Variants in NTN4 observed in about 807,000 individuals in gnomAD.
The protein encoded by NTN4 is netrin-4.
Under a neutral mutation model 73.6 loss-of-function variants are expected in NTN4, and 32 were observed. The observed-to-expected ratio is 0.44, with a 90% confidence interval of 0.33 to 0.58. NTN4 has a LOEUF of 0.58. Ranked by LOEUF, NTN4 falls within the 20% of genes least tolerant of loss-of-function variation. NTN4 has a pLI of 0.04. For synonymous variants in NTN4, 258 were observed against 287.5 expected, an observed-to-expected ratio of 0.90 and a Z score of 1.04; for missense variants, 654 against 798.3, an observed-to-expected ratio of 0.82 and a Z score of 2.18.
intron 5 of NTN4, among the ~76,000 whole-genome samples, chr12:95,684,152 G>T (rs540639893): frequency 6.6e-6 from 1 of 152,310 alleles, no homozygotes; most frequent in Admixed American, 6.5e-5. Flanking sequence ...ATGGAGTATT[G>T]CATTTGAACA....
intron 3 of NTN4, among the ~76,000 whole-genome samples, chr12:95,724,640 C>T (rs111787894): frequency 6.6e-6 from 1 of 152,158 alleles, no homozygotes; most frequent in Admixed American, 6.5e-5. Context: ...AGATGATCAA[C>T]AAGTATTACA....
chr12:95,735,757 T>C (rs528061446), intron 3 of NTN4, among the ~76,000 whole-genome samples: 10 of 152,248 alleles, frequency 6.6e-5, no homozygotes, highest in South Asian at 4.1e-4. Context: ...TTATCCATTG[T>C]TGAATTTGGC....
chr12:95,755,427 A>G (rs190282364), intron 2 of NTN4, among the ~76,000 whole-genome samples: 1 of 152,314 alleles, frequency 6.6e-6, no homozygotes, highest in African/African-American at 2.4e-5. Context: ...AGCATAATTG[A>G]CATGTGGGCG....
At chr12:95,755,222 T>G (rs2078939670) in intron 2 of NTN4, among the ~76,000 whole-genome samples, 1 of 152,238 alleles carries the variant, frequency 6.6e-6, no homozygotes. Context: ...ATCGCCTAAG[T>G]TGACATTTTG....
intron 2 of NTN4, among the ~76,000 whole-genome samples, chr12:95,772,995 TTCTTTTTTC>T (rs1157766990): frequency 1.1e-3 from 6 of 5,376 alleles, no homozygotes; most frequent in Non-Finnish European, 2.5e-3. Context: ...GCTTTTTTTT[TTCTTTTTTC>T]TTTTTTCTTT....
At chr12:95,705,851 G>T (rs2078518729) in intron 5 of NTN4, among the ~76,000 whole-genome samples, 1 of 152,126 alleles carries the variant, frequency 6.6e-6, no homozygotes, top group South Asian at 2.1e-4. Flanking sequence ...GCTTACAGTT[G>T]TAATTCCCAG....
At chr12:95,770,649 T>G (rs932568587) in intron 2 of NTN4, among the ~76,000 whole-genome samples, 2 of 152,208 alleles carry the variant, frequency 1.3e-5, no homozygotes, top group Non-Finnish European at 2.9e-5. Context: ...GTTCTTGACA[T>G]AGATTAAACA....
chr12:95,676,709 AAAAT>A (rs1347597976), intron 7 of NTN4, among the ~76,000 whole-genome samples: 3 of 150,896 alleles, frequency 2.0e-5, no homozygotes, highest in Non-Finnish European at 4.4e-5. Context: ...ACATAAAAAA[AAAAT>A]AAAGATAAGA....
chr12:95,715,693 A>T (rs2078600292), intron 3 of NTN4, among the ~76,000 whole-genome samples: 2 of 152,152 alleles, frequency 1.3e-5, no homozygotes, highest in South Asian at 4.1e-4. Flanking sequence ...TTTTCATCCT[A>T]GCTCCTGGGT....
At chr12:95,706,304 C>CTA (rs2078521723) in intron 5 of NTN4, among the ~76,000 whole-genome samples, 1 of 148,126 alleles carries the variant, frequency 6.8e-6, no homozygotes, top group Admixed American at 6.7e-5. Flanking sequence ...AAAACTAAAA[C>CTA]AAAATAAACA....
At chr12:95,679,712 A>G (rs1487621214) in intron 7 of NTN4, among the ~76,000 whole-genome samples, 2 of 152,208 alleles carry the variant, frequency 1.3e-5, no homozygotes, top group East Asian at 3.8e-4. Flanking sequence ...GACTAGGGAA[A>G]ACACACAACC....
chr12:95,659,095 C>T lies in NTN4; in HGVS notation c.1878G>A (p.Glu626=), dbSNP rs1246351288. The change falls in exon 10 of 10, where the codon GAG becomes GAA. Residue 626 remains glutamate, a synonymous_variant. Transcript: ENST00000343702. ...GCTATCCATCTTAATGCTACTTGCA[C>T]TCTCTTTTTAAAATATCCATGACTT... ...GRKVMDILKR[E]CK 1 of 1,611,436 alleles carries T rather than the reference C, an allele frequency of 6.2e-7. No individual in the cohort carries two copies. The highest frequency in any genetic ancestry group is 8.5e-7 in the Non-Finnish European group (1 of 1,179,208).
At chr12:95,755,382 T>C (rs995637015) in intron 2 of NTN4, among the ~76,000 whole-genome samples, 2 of 152,232 alleles carry the variant, frequency 1.3e-5, no homozygotes, top group African/African-American at 2.4e-5. Flanking sequence ...GTGGGAGTTC[T>C]GGTTTCATGG....
At chr12:95,766,237 T>C (rs1329336019) in intron 2 of NTN4, among the ~76,000 whole-genome samples, 1 of 152,250 alleles carries the variant, frequency 6.6e-6, no homozygotes, top group Non-Finnish European at 1.5e-5. Flanking sequence ...CCTAGCTAGC[T>C]GAAGACTCAG....
chr12:95,669,666 T>G (rs1420080835), intron 8 of NTN4, among the ~76,000 whole-genome samples: 1 of 152,220 alleles, frequency 6.6e-6, no homozygotes, highest in Non-Finnish European at 1.5e-5. Context: ...TCAACTATAA[T>G]GAAATGCTGC....
chr12:95,712,579 A>C (rs1159121515), intron 4 of NTN4, among the ~76,000 whole-genome samples: 1 of 152,084 alleles, frequency 6.6e-6, no homozygotes, highest in Non-Finnish European at 1.5e-5. Flanking sequence ...CAACAGAATC[A>C]GATGTTCTCG....
chr12:95,692,960 A>G (rs2078412100), intron 5 of NTN4, among the ~76,000 whole-genome samples: 1 of 152,196 alleles, frequency 6.6e-6, no homozygotes, highest in Non-Finnish European at 1.5e-5. Context: ...TCATGTATGT[A>G]AATATTTAGC....
chr12:95,745,024 G>T (rs1433343740), intron 2 of NTN4, among the ~76,000 whole-genome samples: 5 of 151,850 alleles, frequency 3.3e-5, no homozygotes, highest in African/African-American at 1.2e-4. Context: ...GTCATTCTTA[G>T]ATTTGTTCCT....
intron 3 of NTN4, among the ~76,000 whole-genome samples, chr12:95,717,340 A>G (rs17287370): frequency 0.17 from 25,910 of 152,172 alleles, 2,591 homozygotes; most frequent in Non-Finnish European, 0.23. Flanking sequence ...CTCGTCAAAC[A>G]TTCACATGTA....
Sources: gnomAD v4.1 joint callset for allele counts (sites outside exome capture counted in the v4.1 genomes callset) on GRCh38, gnomAD v4.1.1 for gene constraint, MANE v1.5 for transcripts, NCBI Gene and HGNC (gene_info 2026-07-23, HGNC 2026-07-21) for gene names.